MED12L: variants seen among roughly 807,000 people sequenced by gnomAD.
MED12L encodes mediator complex subunit 12L.
In MED12L, 60 loss-of-function variants were observed where a neutral mutation model predicts 281.3. The observed-to-expected ratio is 0.21, with a 90% CI of 0.17 to 0.26. MED12L has a LOEUF of 0.26. Ranked by LOEUF, MED12L falls within the 10% of genes least tolerant of loss-of-function variation. MED12L has a pLI of 1.00. For synonymous variants in MED12L, 974 were observed against 987.2 expected (o/e 0.99, Z 0.25); for missense variants, 2,146 against 2,680.9 (o/e 0.80, Z 4.41).
chr3:151,106,490 C>T (rs1418390735), intron 2 of MED12L, among the ~76,000 whole-genome samples: 2 of 151,960 alleles, frequency 1.3e-5, no homozygotes, highest in Non-Finnish European at 2.9e-5. Flanking sequence ...CACCTTCTTG[C>T]TTAAAACCTT....
chr3:151,383,650 G>A (rs1480014598), intron 33 of MED12L, 129 bp from the exon 34 acceptor site: 3 of 600,952 alleles, frequency 5.0e-6, no homozygotes, highest in Non-Finnish European at 8.8e-6. Flanking sequence ...GAAAAGATAA[G>A]GTAATCTATA....
intron 5 of MED12L, among the ~76,000 whole-genome samples, chr3:151,152,444 A>G (rs1230712852): frequency 6.6e-6 from 1 of 152,088 alleles, no homozygotes; most frequent in African/African-American, 2.4e-5. Context: ...TTGATTCCGT[A>G]AATACTTATC....
intron 31 of MED12L, 97 bp downstream of exon 31, chr3:151,378,270 A>G (rs1457697136): frequency 3.3e-6 from 4 of 1,227,724 alleles, no homozygotes; most frequent in Non-Finnish European, 4.3e-6. Flanking sequence ...CCCACAGTCC[A>G]CTGAAATTTA....
chr3:151,353,293 T>C (rs1306643566), intron 17 of MED12L, among the ~76,000 whole-genome samples: 1 of 152,232 alleles, frequency 6.6e-6, no homozygotes, highest in Non-Finnish European at 1.5e-5. Flanking sequence ...GGATCAAAGA[T>C]GTTAGTAAAT....
chr3:151,187,224 T>C (rs1723403998), intron 12 of MED12L, among the ~76,000 whole-genome samples: 1 of 152,212 alleles, frequency 6.6e-6, no homozygotes, highest in East Asian at 1.9e-4. Flanking sequence ...CTGTGGTGAA[T>C]TGCAGTCCAT....
At position 151,268,370 on chromosome 3, in the gene MED12L, A is replaced by G. The variant is rs941958314; in HGVS notation, c.2250+74704A>G. ...GACATGGTAATTTTCTAACATATAT[A>G]CAAAGAGGAAGAAAATATGGTGAGC... is the stretch of plus-strand genomic sequence containing the variant. On this transcript the variant is annotated intron_variant, in intron 16 of 44. Transcript: ENST00000687756. Among the ~76,000 whole-genome samples, 9 of 152,180 alleles carry G rather than the reference A, an allele frequency of 5.9e-5. No individual in the cohort carries two copies. The South Asian group carries it at 1.7e-3, about 28-fold the overall frequency.
At chr3:151,240,188 A>G (rs1195946080) in intron 16 of MED12L, among the ~76,000 whole-genome samples, 1 of 151,844 alleles carries the variant, frequency 6.6e-6, no homozygotes, top group Non-Finnish European at 1.5e-5. Context: ...TTAAGGTAGT[A>G]GGTAGTCAAT....
chr3:151,319,120 G>A (rs1748668726), intron 16 of MED12L, among the ~76,000 whole-genome samples: 1 of 152,108 alleles, frequency 6.6e-6, no homozygotes, highest in Non-Finnish European at 1.5e-5. Context: ...GTCTCAAGTT[G>A]GGACTTGTGA....
intron 5 of MED12L, among the ~76,000 whole-genome samples, chr3:151,153,220 C>G (rs1718797071): frequency 6.6e-6 from 1 of 152,126 alleles, no homozygotes; most frequent in African/African-American, 2.4e-5. Context: ...CCTTCTGTTC[C>G]TAGGGTTAGG....
Position 151,368,169 on chromosome 3 carries a change from C to T in MED12L, c.3468C>T (p.Ala1156=), listed in dbSNP as rs1420314847. The T allele has an allele frequency of 1.9e-5, 30 of 1,613,824 alleles. No homozygotes were observed. Among genetic ancestry groups the T allele is most frequent in the East Asian group, 6.7e-5 (3 of 44,886 alleles). The change falls in exon 25 of 45, where the codon GCC becomes GCT. Residue 1156 remains alanine (A), a synonymous_variant. Transcript: ENST00000687756. ...LLAAACGDAD[A]EPGARMTCRL... Reference sequence around the variant, plus strand: ...TCCTAGCTTGTGGGGATGCGGACGCCGAGCCTGGGGCGAGAATGACATGCC... The same window carrying T: ...TCCTAGCTTGTGGGGATGCGGACGCTGAGCCTGGGGCGAGAATGACATGCC...
At chr3:151,314,130 A>G (rs1223319685) in intron 16 of MED12L, among the ~76,000 whole-genome samples, 1 of 152,198 alleles carries the variant, frequency 6.6e-6, no homozygotes, top group Admixed American at 6.5e-5. Flanking sequence ...ACTGTTTAAG[A>G]GAAACTATAG....
At position 151,370,330 on chromosome 3, in the gene MED12L, T is replaced by G. The variant is rs370210983; in HGVS notation, c.3664+781T>G. 3.3e-4 allele frequency among the ~76,000 whole-genome samples: 50 copies of G among 152,318 alleles called. No homozygotes were observed. The South Asian group carries it at 9.9e-3, about 30-fold the overall frequency. On this transcript the variant is annotated intron_variant, in intron 26 of 44. Transcript: ENST00000687756. ...TCTTATGTTCAGAAGTAGCTCCCCTTCATTAGAACAGAAATTACTGAGTGG... is the reference window on the plus strand; with the variant it reads ...TCTTATGTTCAGAAGTAGCTCCCCTGCATTAGAACAGAAATTACTGAGTGG...
chr3:151,165,459 C>G lies in MED12L; in HGVS notation c.1297C>G (p.Gln433Glu), dbSNP rs370322991. 6.2e-7 allele frequency: 1 copy of G among 1,613,886 alleles called. No homozygotes were observed. Among genetic ancestry groups the G allele is most frequent in the Non-Finnish European group, 8.5e-7 (1 of 1,179,924 alleles). The change falls in exon 10 of 45, where the codon CAA becomes GAA. Residue 433 changes from glutamine to glutamate, a missense_variant. Gln to Glu is a conservative substitution (Grantham distance 29). This residue lies in a region of MED12L where 722 missense variants were observed against 861.2 expected (regional missense o/e 0.84). Coordinates refer to ENST00000687756, the MANE Select transcript of MED12L (RefSeq NM_001393769.1). ...TTATGAAGTAGAACAACAGATAAAACAAAGAGGCCGTGCAGTGGAAGTTCG... is the reference window on the plus strand; with the variant it reads ...TTATGAAGTAGAACAACAGATAAAAGAAAGAGGCCGTGCAGTGGAAGTTCG... Reference protein sequence around the residue: ...RIYEVEQQIKQRGRAVEVRWS... With the variant: ...RIYEVEQQIKERGRAVEVRWS...
Position 151,417,030 on chromosome 3 carries a change from A to T in MED12L, c.6408+608A>T, listed in dbSNP as rs139018286. Among the ~76,000 whole-genome samples the T allele has an allele frequency of 9.5e-4, 145 of 152,268 alleles. 1 individual carries two copies. The highest frequency in any genetic ancestry group is 3.1e-3 in the African/African-American group (130 of 41,546). ...TTACTTTTTTTTAAACTGTCATCTT[A>T]TTATATTTGCTTAAATAAATGTAGT... On this transcript the variant is annotated intron_variant, in intron 43 of 44. Transcript: ENST00000687756.
chr3:151,366,467 G>A (rs754030806), intron 23 of MED12L, among the ~76,000 whole-genome samples: 11 of 152,144 alleles, frequency 7.2e-5, no homozygotes, highest in East Asian at 3.8e-4. Flanking sequence ...GAGGATGTCC[G>A]GTGTTTTTTG....
chr3:151,194,023 T>C (rs1419811833), intron 16 of MED12L, among the ~76,000 whole-genome samples: 4 of 146,936 alleles, frequency 2.7e-5, no homozygotes, highest in African/African-American at 9.9e-5. Context: ...TGGAGTACAG[T>C]GGCACGATCT....
chr3:151,378,395 C>T (rs959602294), intron 31 of MED12L, among the ~76,000 whole-genome samples: 1 of 152,172 alleles, frequency 6.6e-6, no homozygotes. Flanking sequence ...ATCCAAATCA[C>T]TGCTGAACTG....
intron 11 of MED12L, among the ~76,000 whole-genome samples, chr3:151,178,420 C>T (rs1244093660): frequency 6.6e-6 from 1 of 151,960 alleles, no homozygotes; most frequent in Non-Finnish European, 1.5e-5. Context: ...CAAAAGGGAG[C>T]AGAATACTCT....
At chr3:151,171,349 G>T (rs1258801987) in intron 11 of MED12L, among the ~76,000 whole-genome samples, 1 of 152,116 alleles carries the variant, frequency 6.6e-6, no homozygotes, top group East Asian at 1.9e-4. Flanking sequence ...CTCTGTTTGG[G>T]ATGAGTGTGA....
Sources: gnomAD v4.1 joint callset for allele counts (sites outside exome capture counted in the v4.1 genomes callset) on GRCh38, gnomAD v4.1.1 for gene constraint, gnomAD v4.1.1 regional missense constraint, MANE v1.5 for transcripts, NCBI Gene and HGNC (gene_info 2026-07-23, HGNC 2026-07-21) for gene names.